ATAD2B: variants seen among roughly 807,000 people sequenced by gnomAD.
ATAD2B encodes the protein ATPase family AAA domain containing 2B.
In ATAD2B, 40 loss-of-function variants were observed where a neutral mutation model predicts 167.6. That is an observed-to-expected ratio of 0.24 (90% confidence interval 0.19 to 0.31). The LOEUF is 0.31. Among genes scored for constraint, ATAD2B ranks in the 10% least tolerant of loss-of-function variants. ATAD2B has a pLI of 1.00. For synonymous variants in ATAD2B, 579 were observed against 596.5 expected (o/e 0.97, Z 0.43); for missense variants, 1,242 against 1,757.2 (o/e 0.71, Z 5.24).
chr2:23,722,313 G>A, the ATAD2B span, among the ~76,000 whole-genome samples: 8 of 152,084 alleles, frequency 5.3e-5, no homozygotes, highest in Admixed American at 2.0e-4. Context: ...AAGGAAACTC[G>A]GTGAGATACA....
At chr2:23,678,789 G>A in the ATAD2B span, among the ~76,000 whole-genome samples, 2 of 152,210 alleles carry the variant, frequency 1.3e-5, no homozygotes, top group East Asian at 1.9e-4. Context: ...AGGACATTAT[G>A]CTAGGTGAAA....
the ATAD2B span, among the ~76,000 whole-genome samples, chr2:23,709,578 C>T: frequency 2.0e-5 from 3 of 151,814 alleles, no homozygotes; most frequent in Admixed American, 6.6e-5. Flanking sequence ...GCTTTGTCAT[C>T]CATGTGAAGA....
At chr2:23,799,570 C>CAAA (rs763947000) in intron 18 of ATAD2B, among the ~76,000 whole-genome samples, 510 of 40,466 alleles carry the variant, frequency 0.013, 44 homozygotes, top group Non-Finnish European at 0.02. Context: ...GACTCCATCT[C>CAAA]AAAAAAAAAA....
chr2:23,705,621 G>A, the ATAD2B span, among the ~76,000 whole-genome samples: 7,146 of 152,280 alleles, frequency 0.047, 231 homozygotes, highest in Middle Eastern at 0.075. Context: ...AACTAAGGGA[G>A]AGAAGACTGG....
At chr2:23,734,145 T>C in the ATAD2B span, among the ~76,000 whole-genome samples, 1 of 152,036 alleles carries the variant, frequency 6.6e-6, no homozygotes, top group Non-Finnish European at 1.5e-5. Flanking sequence ...AATTACCCGA[T>C]ACTGGGTAAC....
At chr2:23,781,650 C>T (rs994196688) in intron 22 of ATAD2B, among the ~76,000 whole-genome samples, 27 of 151,220 alleles carry the variant, frequency 1.8e-4, no homozygotes, top group African/African-American at 6.1e-4. Context: ...GGGCAACAGA[C>T]GGAGATTCCA....
Position 23,926,921 on chromosome 2 carries a change from G to A in ATAD2B, c.-151C>T. 7 of 925,950 alleles carry A rather than the reference G, an allele frequency of 7.6e-6. No homozygotes were observed. Among genetic ancestry groups the A allele is most frequent in the Non-Finnish European group, 1.1e-5 (7 of 654,534 alleles). 57.4% of individuals were successfully genotyped at this position (925,950 alleles called of 1,614,324 possible). On this transcript the variant is annotated 5_prime_UTR_variant, in exon 1 of 28. Coordinates refer to ENST00000238789, the MANE Select transcript of ATAD2B (RefSeq NM_017552.4). ...GCGGAGCGCAGACGAGCACAAGAGA[G>A]AGCCGGGCAGAGGAAGGGAAGTCGG...
chr2:23,901,159 C>T (rs572518785), intron 1 of ATAD2B: 6 of 161,138 alleles, frequency 3.7e-5, no homozygotes, highest in South Asian at 1.8e-4. Context: ...AGTTTGTCTA[C>T]GTACTCAAGT....
the ATAD2B span, chr2:23,684,343 A>G: frequency 3.3e-6 from 4 of 1,204,330 alleles, no homozygotes; most frequent in Non-Finnish European, 3.2e-6. This position sits in a 1 kb window ranked among gnomAD's most constrained non-coding sequence, Gnocchi z 4.4. Context: ...TTTTTAATTA[A>G]AAAAAAAAAA....
chr2:23,902,175 A>AG (rs1301218844), intron 1 of ATAD2B, among the ~76,000 whole-genome samples: 1 of 152,238 alleles, frequency 6.6e-6, no homozygotes, highest in African/African-American at 2.4e-5. Context: ...CAAAAGTCTG[A>AG]GGACCTCTGG....
intron 11 of ATAD2B, 46 bp from the exon 12 acceptor site, chr2:23,863,601 C>T (rs181861080): frequency 6.9e-7 from 1 of 1,453,140 alleles, no homozygotes; most frequent in African/African-American, 1.4e-5. Context: ...ATTATCATCA[C>T]TGCTGATAAC....
At chr2:23,906,854 C>G (rs1701579149) in intron 1 of ATAD2B, among the ~76,000 whole-genome samples, 1 of 151,722 alleles carries the variant, frequency 6.6e-6, no homozygotes, top group African/African-American at 2.4e-5. Context: ...TAAACAGAAC[C>G]AAAGACAAAA....
At chr2:23,884,125 C>T (rs1194608923) in intron 6 of ATAD2B, among the ~76,000 whole-genome samples, 1 of 151,966 alleles carries the variant, frequency 6.6e-6, no homozygotes, top group Non-Finnish European at 1.5e-5. Flanking sequence ...GCCTGGGCAA[C>T]AAGAACAAGA....
At chr2:23,824,431 C>T (rs1687934781) in intron 15 of ATAD2B, among the ~76,000 whole-genome samples, 1 of 152,094 alleles carries the variant, frequency 6.6e-6, no homozygotes, top group Admixed American at 6.6e-5. Context: ...AGTATATAAA[C>T]AGAAACTTCA....
At chr2:23,777,735 C>A (rs1247920836) in intron 22 of ATAD2B, among the ~76,000 whole-genome samples, 1 of 152,068 alleles carries the variant, frequency 6.6e-6, no homozygotes, top group Non-Finnish European at 1.5e-5. Context: ...GGGTGAACTG[C>A]AAGACCGAGA....
At chr2:23,717,078 A>T in the ATAD2B span, among the ~76,000 whole-genome samples, 1 of 152,224 alleles carries the variant, frequency 6.6e-6, no homozygotes, top group Admixed American at 6.5e-5. Flanking sequence ...CCAGGATGAA[A>T]AACCTAAAGA....
At position 23,777,597 on chromosome 2, in the gene ATAD2B, G is replaced by A. The variant is rs146689293; in HGVS notation, c.3133+5272C>T. On this transcript the variant is annotated intron_variant, in intron 22 of 27. Transcript: ENST00000238789. The stretch of plus-strand genomic sequence containing the variant: ...TCCAAAAGTTTGGGTGAATCTGGGG[G>A]CTTTAATCCTATACAATTTGAACAA... Among the ~76,000 whole-genome samples, 475 of 152,194 alleles carry A rather than the reference G, an allele frequency of 3.1e-3. 7 individuals are homozygous for A. Among genetic ancestry groups the A allele is most frequent in the Middle Eastern group, 0.024 (7 of 294 alleles).
rs956167035 is a variant in ATAD2B, at chr2:23,792,571, A to G, written c.2641-3924T>C. Among the ~76,000 whole-genome samples the G allele has an allele frequency of 1.3e-5, 2 of 152,164 alleles. 1 individual carries two copies. Among genetic ancestry groups the G allele is most frequent in the Non-Finnish European group, 2.9e-5 (2 of 68,024 alleles). On this transcript the variant is annotated intron_variant, in intron 19 of 27. Coordinates refer to ENST00000238789, the MANE Select transcript of ATAD2B (RefSeq NM_017552.4). ...CATAAATAAAATTTGCTTTGCTCAAAACAAAATAGGATATCAACCCATTAA... is the reference window on the plus strand; with the variant it reads ...CATAAATAAAATTTGCTTTGCTCAAGACAAAATAGGATATCAACCCATTAA...
At chr2:23,904,684 G>T (rs1339723693) in intron 1 of ATAD2B, among the ~76,000 whole-genome samples, 1 of 151,976 alleles carries the variant, frequency 6.6e-6, no homozygotes, top group African/African-American at 2.4e-5. Context: ...AACAGAATAG[G>T]AACATTTTCC....
Sources: gnomAD v4.1 joint callset for allele counts (sites outside exome capture counted in the v4.1 genomes callset) on GRCh38, gnomAD v4.1.1 for gene constraint, Gnocchi (gnomAD v3.1) non-coding constraint, MANE v1.5 for transcripts, NCBI Gene and HGNC (gene_info 2026-07-23, HGNC 2026-07-21) for gene names.